ANK3: variants seen among roughly 807,000 people sequenced by gnomAD.
The protein encoded by ANK3 is ankyrin-3.
ANK3 carries 57 observed loss-of-function variants against 370.9 expected under a neutral mutation model. That is an observed-to-expected ratio of 0.15 (90% confidence interval 0.12 to 0.19). The LOEUF is 0.19. ANK3 is among the 10% of genes least tolerant of loss of function. The pLI is 1.00. For synonymous variants in ANK3, 1,929 were observed against 1,946.3 expected, an observed-to-expected ratio of 0.99 and a Z score of 0.23; for missense variants, 4,439 against 5,302.1, an observed-to-expected ratio of 0.84 and a Z score of 5.06.
Position 60,203,041 on chromosome 10 carries a change from T to A in ANK3, c.1353A>T (p.Gln451His). The change falls in exon 12 of 44, where the codon CAA becomes CAT. Residue 451 changes from glutamine (Q) to histidine (H), a missense_variant. Gln to His is a conservative substitution (Grantham distance 24). Transcript: ENST00000280772. ...AFMGHVNIVS[Q>H]LMHHGASPNT... Reference sequence around the variant, plus strand: ...TTGGTGAGGCTCCATGATGCATTAGTTGTGATACAATATTTACATGCCCCA... The same window carrying A: ...TTGGTGAGGCTCCATGATGCATTAGATGTGATACAATATTTACATGCCCCA... The A allele has an allele frequency of 6.2e-7, 1 of 1,613,460 alleles. No individual in the cohort carries two copies. The highest frequency in any genetic ancestry group is 8.5e-7 in the Non-Finnish European group (1 of 1,179,650).
chr10:60,448,518 C>G (rs1172061880), intron 2 of ANK3, among the ~76,000 whole-genome samples: 1 of 152,198 alleles, frequency 6.6e-6, no homozygotes, highest in Non-Finnish European at 1.5e-5. Context: ...TTTTCTAAGA[C>G]AGTTAGTTGA....
intron 1 of ANK3, among the ~76,000 whole-genome samples, chr10:60,650,923 A>T (rs897878968): frequency 1.1e-5 from 1 of 94,700 alleles, no homozygotes; most frequent in South Asian, 5.6e-4. Context: ...CATTCCTACA[A>T]AATTTTAACA....
chr10:60,220,140 A>G (rs912891880), intron 8 of ANK3, among the ~76,000 whole-genome samples: 3 of 152,198 alleles, frequency 2.0e-5, no homozygotes, highest in African/African-American at 7.2e-5. Flanking sequence ...TACAATAATC[A>G]CATCCACTTT....
intron 4 of ANK3, among the ~76,000 whole-genome samples, chr10:60,277,581 T>G (rs574847449): frequency 1.3e-5 from 2 of 152,352 alleles, no homozygotes; most frequent in Admixed American, 6.5e-5. Flanking sequence ...CTTATCTTTT[T>G]GTCTTCATTT....
intron 23 of ANK3, among the ~76,000 whole-genome samples, chr10:60,158,244 A>C (rs921493272): frequency 5.3e-5 from 8 of 152,198 alleles, no homozygotes; most frequent in African/African-American, 1.9e-4. Context: ...TCAGTATGAA[A>C]GAAAAGGATA....
At chr10:60,175,509 T>C (rs1338711450) in intron 18 of ANK3, among the ~76,000 whole-genome samples, 1 of 152,230 alleles carries the variant, frequency 6.6e-6, no homozygotes, top group Admixed American at 6.5e-5. Flanking sequence ...CTCTACCTCT[T>C]TGTCATAGCT....
intron 1 of ANK3, among the ~76,000 whole-genome samples, chr10:60,292,246 T>A (rs2041570542): frequency 6.6e-6 from 1 of 152,276 alleles, no homozygotes; most frequent in Non-Finnish European, 1.5e-5. Context: ...CTGAAAAGTA[T>A]GTTTTGCAGG....
Position 60,427,526 on chromosome 10 carries a change from C to A in ANK3, c.97-147887G>T, listed in dbSNP as rs545168038. 2.7e-5 allele frequency among the ~76,000 whole-genome samples: 4 copies of A among 149,298 alleles called. No individual in the cohort carries two copies. The East Asian group carries it at 7.8e-4, about 29-fold the overall frequency. On this transcript the variant is annotated intron_variant, in intron 2 of 43. Transcript: ENST00000373827. ...ATGACAGAATATAAGGTTTCGGGCC[C>A]TAAAAAAAAAAACCTCAGGAGTTCA...
intron 28 of ANK3, among the ~76,000 whole-genome samples, chr10:60,089,632 G>T (rs1413652226): frequency 6.6e-6 from 1 of 151,954 alleles, no homozygotes; most frequent in African/African-American, 2.4e-5. Flanking sequence ...TGGAAAAGTA[G>T]GTTTGTGACG....
At chr10:60,570,753 G>C (rs759915785) in intron 2 of ANK3, among the ~76,000 whole-genome samples, 4 of 151,946 alleles carry the variant, frequency 2.6e-5, no homozygotes, top group Non-Finnish European at 5.9e-5. Context: ...GAAGGAAGAA[G>C]GGCTCAAAGC....
At chr10:60,639,728 T>C (rs180713873) in intron 1 of ANK3, among the ~76,000 whole-genome samples, 2 of 151,912 alleles carry the variant, frequency 1.3e-5, no homozygotes, top group Non-Finnish European at 2.9e-5. Context: ...GAAGTATTTC[T>C]AATAAGCTAA....
chr10:60,501,042 C>T (rs887905048), intron 2 of ANK3, among the ~76,000 whole-genome samples: 2 of 152,110 alleles, frequency 1.3e-5, no homozygotes, highest in Non-Finnish European at 2.9e-5. Flanking sequence ...CAAATTGAAA[C>T]ATTAAAAGGT....
At chr10:60,083,453 TCCCCATAA>T in intron 33 of ANK3, 31 bp downstream of exon 33, 3 of 1,583,076 alleles carry the variant, frequency 1.9e-6, no homozygotes, top group Admixed American at 1.8e-5. Flanking sequence ...GAGTATTTTT[TCCCCATAA>T]TTCACAGATT....
chr10:60,541,397 A>T (rs143312311), intron 2 of ANK3, among the ~76,000 whole-genome samples: 4,319 of 152,112 alleles, frequency 0.028, 86 homozygotes, highest in South Asian at 0.071. Flanking sequence ...TGCAGAAAAT[A>T]AAAGATAGGT....
chr10:60,521,943 T>G (rs936088091), intron 2 of ANK3, among the ~76,000 whole-genome samples: 2 of 152,034 alleles, frequency 1.3e-5, no homozygotes, highest in African/African-American at 4.8e-5. Context: ...TCAGGAATAA[T>G]TTAAGCATGG....
At chr10:60,180,615 C>CCAA (rs1452656539) in intron 18 of ANK3, among the ~76,000 whole-genome samples, 5 of 106,156 alleles carry the variant, frequency 4.7e-5, no homozygotes, top group East Asian at 3.0e-4. Context: ...AAAAAAAAAC[C>CCAA]AAAAAAAAAA....
intron 36 of ANK3, 178 bp downstream of exon 36, chr10:60,080,359 T>G (rs2084902745): frequency 3.5e-5 from 20 of 564,422 alleles, no homozygotes; most frequent in Middle Eastern, 4.1e-4. Context: ...CTAGGGGCGT[T>G]TTTACCTCAC....
At chr10:60,267,312 T>TG (rs1045188691) in intron 5 of ANK3, among the ~76,000 whole-genome samples, 1 of 152,166 alleles carries the variant, frequency 6.6e-6, no homozygotes, top group African/African-American at 2.4e-5. Flanking sequence ...TCTTATTTCC[T>TG]GTTGTTGTTC....
At chr10:60,104,401 G>GAAAA (rs1402265383) in intron 28 of ANK3, among the ~76,000 whole-genome samples, 2 of 81,710 alleles carry the variant, frequency 2.4e-5, no homozygotes, top group Non-Finnish European at 4.8e-5. Context: ...AAGAAACAAA[G>GAAAA]AAAGAAAGAA....
Sources: allele counts gnomAD v4.1 joint callset (sites outside exome capture counted in the v4.1 genomes callset), GRCh38; gene constraint gnomAD v4.1.1; transcripts MANE v1.5; gene names NCBI Gene and HGNC (gene_info 2026-07-23, HGNC 2026-07-21).